Variants in ENOX1 observed in about 807,000 individuals in gnomAD.
ENOX1 encodes the protein ecto-NOX disulfide-thiol exchanger 1.
A neutral mutation model predicts 82.5 loss-of-function variants in ENOX1; 42 were observed. The ratio of observed to expected loss-of-function variants is 0.51; its 90% CI spans 0.40 to 0.66. ENOX1 has a LOEUF of 0.66. ENOX1 is among the 30% of genes least tolerant of loss of function. The probability of loss-of-function intolerance (pLI) is 0.00; values close to 1 mark genes in which losing one functional copy is unlikely to be tolerated. For missense variants in ENOX1, 608 were observed against 811.6 expected, an observed-to-expected ratio of 0.75 and a Z score of 3.05; for synonymous variants, 271 against 282.2, an observed-to-expected ratio of 0.96 and a Z score of 0.40.
intron 1 of ENOX1, among the ~76,000 whole-genome samples, chr13:43,760,322 G>T (rs951182592): frequency 1.3e-5 from 2 of 152,164 alleles, no homozygotes; most frequent in Non-Finnish European, 2.9e-5. Flanking sequence ...CACTAAAATA[G>T]ACAAATGATT....
At chr13:43,344,416 A>G in intron 9 of ENOX1, 122 bp downstream of exon 9, 2 of 798,278 alleles carry the variant, frequency 2.5e-6, no homozygotes, top group Non-Finnish European at 4.0e-6. Context: ...GAAGTTTGCC[A>G]TTCAATATGG....
chr13:43,321,119 G>A (rs2153526220), intron 11 of ENOX1: 1 of 456,280 alleles, frequency 2.2e-6, no homozygotes, highest in East Asian at 6.9e-5. Flanking sequence ...TAAAATGAAT[G>A]AATTTGAGGG....
At position 43,786,855 on chromosome 13, in the gene ENOX1, C is replaced by A; in HGVS notation, c.-488G>T. 1 of 151,780 alleles carries A rather than the reference C, an allele frequency of 6.6e-6. No individual in the cohort carries two copies. The highest frequency in any genetic ancestry group is 2.0e-4 in the South Asian group (1 of 5,000). The allele number at this position is 151,780 out of a possible 1,614,324, so 9.4% of individuals were successfully genotyped here. ...CCGCTGCAGCAGACAGAGGACGCCC[C>A]GTGGCGGCTGGAAGCCTGTGTGAGT... On this transcript the variant is annotated 5_prime_UTR_variant, in exon 1 of 17. Transcript: ENST00000690772. The surrounding 1 kb of genome is among the most constrained non-coding windows in gnomAD (Gnocchi z 6.0).
intron 3 of ENOX1, among the ~76,000 whole-genome samples, chr13:43,468,160 T>C (rs2057819210): frequency 6.6e-6 from 1 of 151,244 alleles, no homozygotes; most frequent in Non-Finnish European, 1.5e-5. Flanking sequence ...TATATTTCCA[T>C]ATGAAGTTCA....
chr13:43,428,764 T>C (rs762984540), intron 3 of ENOX1, among the ~76,000 whole-genome samples: 12 of 152,174 alleles, frequency 7.9e-5, no homozygotes, highest in Non-Finnish European at 1.8e-4. Context: ...TCATTGGGAA[T>C]AGGAGCTACA....
intron 3 of ENOX1, among the ~76,000 whole-genome samples, chr13:43,466,807 A>G (rs935019698): frequency 1.3e-5 from 2 of 152,110 alleles, no homozygotes; most frequent in Middle Eastern, 3.2e-3. Context: ...CATTCCCCCC[A>G]GCCCAGTCCC....
intron 1 of ENOX1, among the ~76,000 whole-genome samples, chr13:43,741,129 G>C (rs1594644090): frequency 1.3e-5 from 2 of 149,968 alleles, no homozygotes; most frequent in South Asian, 4.2e-4. Context: ...TTGTGATCCA[G>C]GCTGGAGTGC....
At chr13:43,433,026 G>A (rs1446217505) in intron 3 of ENOX1, among the ~76,000 whole-genome samples, 1 of 152,136 alleles carries the variant, frequency 6.6e-6, no homozygotes, top group Non-Finnish European at 1.5e-5. Context: ...GACCATGCAT[G>A]TCTGAGGTCT....
At chr13:43,372,704 T>C (rs766001592) in intron 5 of ENOX1, among the ~76,000 whole-genome samples, 1 of 152,112 alleles carries the variant, frequency 6.6e-6, no homozygotes, top group Non-Finnish European at 1.5e-5. Context: ...GCATAAACCA[T>C]ATGAAATAAA....
intron 2 of ENOX1, among the ~76,000 whole-genome samples, chr13:43,649,439 C>G (rs2084049814): frequency 6.6e-6 from 1 of 152,164 alleles, no homozygotes; most frequent in Non-Finnish European, 1.5e-5. Flanking sequence ...TGAAGCTACT[C>G]TAACCATTTC....
intron 2 of ENOX1, among the ~76,000 whole-genome samples, chr13:43,661,790 G>A (rs978900330): frequency 6.6e-6 from 1 of 152,114 alleles, no homozygotes; most frequent in African/African-American, 2.4e-5. Flanking sequence ...CTGATAAAAG[G>A]ACTTACAGTG....
intron 1 of ENOX1, among the ~76,000 whole-genome samples, chr13:43,688,814 C>A (rs1474586771): frequency 6.6e-6 from 1 of 152,030 alleles, no homozygotes; most frequent in Non-Finnish European, 1.5e-5. Flanking sequence ...AAGCTGAGTT[C>A]AATATACCTG....
rs547416290 is a variant in ENOX1, at chr13:43,234,683, G to GT, written c.1714+1952dup. ...CACTTGATTTAACTAATTTTATATA[G>GT]TTTTTTGTGATACCAAAGACATCAG... On this transcript the variant is annotated intron_variant, in intron 15 of 16. Coordinates refer to ENST00000690772, the MANE Select transcript of ENOX1 (RefSeq NM_001347969.2). Among the ~76,000 whole-genome samples the GT allele has an allele frequency of 3.5e-3, 526 of 152,208 alleles. 4 individuals are homozygous for GT. The highest frequency in any genetic ancestry group is 0.012 in the African/African-American group (508 of 41,532).
chr13:43,426,639 G>A (rs570378237), intron 3 of ENOX1, among the ~76,000 whole-genome samples: 2 of 152,270 alleles, frequency 1.3e-5, no homozygotes, highest in Admixed American at 1.3e-4. Context: ...AACTAGTGGT[G>A]GTTAAGCAGT....
intron 1 of ENOX1, among the ~76,000 whole-genome samples, chr13:43,727,182 C>T (rs1311057442): frequency 6.6e-6 from 1 of 152,142 alleles, no homozygotes; most frequent in African/African-American, 2.4e-5. Flanking sequence ...GCAGATGTCC[C>T]CCAAATGAGG....
At chr13:43,228,028 C>T (rs1410766672) in intron 15 of ENOX1, among the ~76,000 whole-genome samples, 1 of 151,420 alleles carries the variant, frequency 6.6e-6, no homozygotes, top group Non-Finnish European at 1.5e-5. Flanking sequence ...GTTTCTAGGC[C>T]CTGTGATTTT....
intron 3 of ENOX1, among the ~76,000 whole-genome samples, chr13:43,425,217 G>A (rs1007242816): frequency 1.2e-4 from 18 of 151,992 alleles, no homozygotes; most frequent in Admixed American, 1.1e-3. Context: ...GCAGGAATTG[G>A]CTACACCTGG....
chr13:43,741,691 C>T (rs906505028), intron 1 of ENOX1, among the ~76,000 whole-genome samples: 2 of 152,154 alleles, frequency 1.3e-5, no homozygotes, highest in Non-Finnish European at 2.9e-5. Flanking sequence ...TCGTAGATTG[C>T]TTTTTCACTT....
intron 2 of ENOX1, among the ~76,000 whole-genome samples, chr13:43,511,354 A>G (rs1457310166): frequency 2.0e-5 from 3 of 152,204 alleles, no homozygotes; most frequent in African/African-American, 7.2e-5. Context: ...ATTTTTAGAC[A>G]ATAATTTTAT....
Sources: gnomAD v4.1 joint callset for allele counts (sites outside exome capture counted in the v4.1 genomes callset) on GRCh38, gnomAD v4.1.1 for gene constraint, Gnocchi (gnomAD v3.1) non-coding constraint, MANE v1.5 for transcripts, NCBI Gene and HGNC (gene_info 2026-07-23, HGNC 2026-07-21) for gene names.